Variants in MYLK4 observed in about 807,000 individuals in gnomAD.
The protein encoded by MYLK4 is caMLCK like.
A neutral mutation model predicts 48.1 loss-of-function variants in MYLK4; 46 were observed. The observed-to-expected ratio is 0.96, with a 90% CI of 0.75 to 1.22. The LOEUF (loss-of-function observed/expected upper bound fraction) is 1.22. MYLK4 is among the 50% of genes most tolerant of loss of function. MYLK4 has a pLI of 0.00. For missense variants in MYLK4, 451 were observed against 486.1 expected, an observed-to-expected ratio of 0.93 and a Z score of 0.68; for synonymous variants, 170 against 180.8, an observed-to-expected ratio of 0.94 and a Z score of 0.48.
upstream of MYLK4, among the ~76,000 whole-genome samples, chr6:2,753,515 T>C (rs2113392709): frequency 6.6e-6 from 1 of 152,236 alleles, no homozygotes; most frequent in Non-Finnish European, 1.5e-5. Flanking sequence ...GATTGATAAA[T>C]TGCACTTCTT....
chr6:2,766,235 G>C, the MYLK4 span: 1 of 1,468,506 alleles, frequency 6.8e-7, no homozygotes, highest in Non-Finnish European at 9.0e-7. Context: ...GGCCAGTGGC[G>C]GGGGCCGCCC....
the MYLK4 span, chr6:2,770,338 C>T: frequency 6.2e-7 from 1 of 1,614,182 alleles, no homozygotes; most frequent in South Asian, 1.1e-5. Flanking sequence ...ACCCTCTGAG[C>T]CACAGCAGCA....
Position 2,672,444 on chromosome 6 carries a change from A to G in MYLK4, c.1120-1096T>C, listed in dbSNP as rs144371812. 2.6e-3 allele frequency among the ~76,000 whole-genome samples: 396 copies of G among 152,332 alleles called. 2 individuals carry two copies. Among genetic ancestry groups the G allele is most frequent in the African/African-American group, 9.3e-3 (385 of 41,578 alleles). ...AGAAAAAAAAATCCTTCTTAAATTT[A>G]GTGACAGTCAATATGCTACTCAAGT... On this transcript the variant is annotated intron_variant, in intron 11 of 12. Coordinates refer to ENST00000274643, the MANE Select transcript of MYLK4 (RefSeq NM_001012418.5). The surrounding 1 kb of genome is among the most constrained non-coding windows in gnomAD (Gnocchi z 4.3).
intron 9 of MYLK4, among the ~76,000 whole-genome samples, chr6:2,678,814 C>A (rs1190286721): frequency 6.7e-6 from 1 of 149,362 alleles, no homozygotes; most frequent in Non-Finnish European, 1.5e-5. Flanking sequence ...GGAAGCAATT[C>A]TCCTGCAGCC....
intron 10 of MYLK4, among the ~76,000 whole-genome samples, chr6:2,677,357 C>A (rs574197191): frequency 6.6e-6 from 1 of 152,124 alleles, no homozygotes; most frequent in Non-Finnish European, 1.5e-5. Flanking sequence ...CCTGTGACAC[C>A]CTTCTACCTG....
chr6:2,733,546 G>A (rs894511384), intron 2 of MYLK4, among the ~76,000 whole-genome samples: 1 of 152,186 alleles, frequency 6.6e-6, no homozygotes, highest in African/African-American at 2.4e-5. Flanking sequence ...GGAAGCCTAC[G>A]TGGTCACAAG....
At chr6:2,714,762 G>T (rs1762807434) in intron 2 of MYLK4, among the ~76,000 whole-genome samples, 1 of 152,218 alleles carries the variant, frequency 6.6e-6, no homozygotes, top group Non-Finnish European at 1.5e-5. Flanking sequence ...ACACACAATA[G>T]AATATGATTC....
upstream of MYLK4, among the ~76,000 whole-genome samples, chr6:2,751,669 T>C (rs919686167): frequency 6.6e-6 from 1 of 152,200 alleles, no homozygotes; most frequent in Non-Finnish European, 1.5e-5. Flanking sequence ...TCACCTCTTA[T>C]TTGGAGCCTG....
chr6:2,752,029 C>T (rs948300045), upstream of MYLK4, among the ~76,000 whole-genome samples: 1 of 152,088 alleles, frequency 6.6e-6, no homozygotes, highest in African/African-American at 2.4e-5. Context: ...GATAAGGCAA[C>T]AAATGCCCTG....
intron 12 of MYLK4, among the ~76,000 whole-genome samples, chr6:2,668,599 A>G (rs970055474): frequency 1.3e-5 from 2 of 152,170 alleles, no homozygotes; most frequent in African/African-American, 4.8e-5. Context: ...CCAGATTTTT[A>G]AAATCAATAT....
At chr6:2,726,763 C>T (rs572616749) in intron 2 of MYLK4, among the ~76,000 whole-genome samples, 83 of 152,184 alleles carry the variant, frequency 5.5e-4, no homozygotes, top group African/African-American at 2.0e-3. Flanking sequence ...CAGGCGCCCG[C>T]CACCATGCCA....
At chr6:2,717,302 C>T (rs1227640204) in intron 2 of MYLK4, among the ~76,000 whole-genome samples, 2 of 151,668 alleles carry the variant, frequency 1.3e-5, no homozygotes, top group African/African-American at 4.9e-5. Flanking sequence ...AAGTTCACAC[C>T]TGATCAAACA....
intron 2 of MYLK4, among the ~76,000 whole-genome samples, chr6:2,731,768 A>G (rs541075631): frequency 6.6e-6 from 1 of 152,338 alleles, no homozygotes; most frequent in East Asian, 1.9e-4. Context: ...GGTAAAATGA[A>G]TCAATGCTAT....
intron 2 of MYLK4, among the ~76,000 whole-genome samples, chr6:2,706,192 A>G: frequency 8.5e-6 from 1 of 117,574 alleles, no homozygotes; most frequent in East Asian, 2.3e-4. Context: ...AGCTCTGAAT[A>G]TTCTATCTGT....
chr6:2,745,649 AC>A (rs1764059910), intron 2 of MYLK4, among the ~76,000 whole-genome samples: 1 of 152,226 alleles, frequency 6.6e-6, no homozygotes, highest in Non-Finnish European at 1.5e-5. Flanking sequence ...AATAGGCCAC[AC>A]ACAGCAGCTC....
intron 2 of MYLK4, among the ~76,000 whole-genome samples, chr6:2,733,620 T>C (rs569941130): frequency 6.6e-6 from 1 of 152,240 alleles, no homozygotes; most frequent in African/African-American, 2.4e-5. Context: ...TGTTTTAAAA[T>C]TTAATACGTT....
At chr6:2,763,012 C>G in the MYLK4 span, among the ~76,000 whole-genome samples, 1 of 152,168 alleles carries the variant, frequency 6.6e-6, no homozygotes, top group Non-Finnish European at 1.5e-5. Context: ...GAAAGCCAAG[C>G]GGGTCTCCAT....
intron 12 of MYLK4, 25 bp downstream of exon 12, chr6:2,671,251 C>G: frequency 6.6e-7 from 1 of 1,508,412 alleles, no homozygotes; most frequent in Non-Finnish European, 9.2e-7. Flanking sequence ...TTCACAGACA[C>G]CTCTTCAGGA....
At chr6:2,768,438 T>C in the MYLK4 span, among the ~76,000 whole-genome samples, 1 of 152,266 alleles carries the variant, frequency 6.6e-6, no homozygotes, top group South Asian at 2.1e-4. Flanking sequence ...GAATCAAAGG[T>C]GGTTAGGGAC....
Sources: allele counts gnomAD v4.1 joint callset (sites outside exome capture counted in the v4.1 genomes callset), GRCh38; gene constraint gnomAD v4.1.1; non-coding constraint Gnocchi (gnomAD v3.1); transcripts MANE v1.5; gene names NCBI Gene and HGNC (gene_info 2026-07-23, HGNC 2026-07-21).